Variants in MTUS2 observed in about 807,000 individuals in gnomAD.
The protein encoded by MTUS2 is microtubule associated scaffold protein 2, also known as microtubule-associated tumor suppressor candidate 2.
In MTUS2, 40 loss-of-function variants were observed where a neutral mutation model predicts 114.1. The ratio of observed to expected loss-of-function variants is 0.35; its 90% CI spans 0.27 to 0.46. MTUS2 has a LOEUF of 0.46. Among genes scored for constraint, MTUS2 ranks in the 20% least tolerant of loss-of-function variants. MTUS2 has a pLI of 1.00. For missense variants in MTUS2, 1,679 were observed against 1,705.4 expected, an observed-to-expected ratio of 0.98 and a Z score of 0.27; for synonymous variants, 688 against 672.0, an observed-to-expected ratio of 1.02 and a Z score of -0.37.
intron 4 of MTUS2, among the ~76,000 whole-genome samples, chr13:29,037,099 T>A (rs1351018723): frequency 6.6e-6 from 1 of 152,238 alleles, no homozygotes; most frequent in African/African-American, 2.4e-5. Context: ...AGTTTCTTAA[T>A]AGTGTTGATG....
intron 2 of MTUS2, among the ~76,000 whole-genome samples, chr13:28,891,858 CAAA>C (rs1169875500): frequency 1.1e-4 from 6 of 52,184 alleles, no homozygotes; most frequent in East Asian, 6.7e-4. Context: ...GACTCTGTCT[CAAA>C]AAAAAAAAAA....
chr13:28,999,307 G>C (rs1885273181), intron 2 of MTUS2, among the ~76,000 whole-genome samples: 1 of 152,118 alleles, frequency 6.6e-6, no homozygotes, highest in Non-Finnish European at 1.5e-5. Context: ...CCTACTGGGG[G>C]GTTCCTCCCA....
At chr13:29,375,128 A>G (rs78306067) in intron 8 of MTUS2, among the ~76,000 whole-genome samples, 6 of 152,132 alleles carry the variant, frequency 3.9e-5, no homozygotes, top group Non-Finnish European at 7.4e-5. Flanking sequence ...GGTTTTTGCC[A>G]TTACTTTTAA....
intron 5 of MTUS2, among the ~76,000 whole-genome samples, chr13:29,138,330 A>T (rs1484294524): frequency 6.6e-6 from 1 of 151,978 alleles, no homozygotes; most frequent in South Asian, 2.1e-4. Context: ...GATTCTGCCA[A>T]TGTAATTGTT....
At chr13:29,254,241 T>C (rs1390865799) in intron 5 of MTUS2, among the ~76,000 whole-genome samples, 1 of 152,228 alleles carries the variant, frequency 6.6e-6, no homozygotes. Context: ...CCACTGGGGC[T>C]TACATTCTGT....
intron 1 of MTUS2, among the ~76,000 whole-genome samples, chr13:28,830,015 C>G (rs369014050): frequency 7.9e-5 from 12 of 152,286 alleles, no homozygotes; most frequent in South Asian, 4.1e-4. Context: ...ACCCCACCCC[C>G]CAACACGCGT....
intron 9 of MTUS2, among the ~76,000 whole-genome samples, chr13:29,475,238 T>C (rs1163038655): frequency 6.6e-6 from 1 of 152,214 alleles, no homozygotes; most frequent in Non-Finnish European, 1.5e-5. Context: ...AATGCATTAC[T>C]CACATCTTTG....
intron 7 of MTUS2, among the ~76,000 whole-genome samples, chr13:29,355,397 T>A (rs977577165): frequency 6.6e-6 from 1 of 152,160 alleles, no homozygotes; most frequent in African/African-American, 2.4e-5. Context: ...AGATTATGAT[T>A]GGGGTAACAT....
At chr13:29,296,209 G>T (rs1034388243) in intron 6 of MTUS2, among the ~76,000 whole-genome samples, 108 of 151,722 alleles carry the variant, frequency 7.1e-4, no homozygotes, top group African/African-American at 2.5e-3. Flanking sequence ...TTGTTTGTTT[G>T]TTTGTTTGTT....
At chr13:29,161,235 G>A (rs1893083140) in intron 5 of MTUS2, among the ~76,000 whole-genome samples, 1 of 152,164 alleles carries the variant, frequency 6.6e-6, no homozygotes, top group Admixed American at 6.5e-5. Flanking sequence ...ATCAATGTCT[G>A]TATCCTGATT....
At chr13:28,957,046 A>G (rs529463915) in intron 2 of MTUS2, among the ~76,000 whole-genome samples, 107 of 152,324 alleles carry the variant, frequency 7.0e-4, no homozygotes, top group Non-Finnish European at 1.2e-3. Flanking sequence ...AGAAAGAGCA[A>G]TGCTTTCATA....
At chr13:29,056,712 A>G (rs1262872388) in intron 4 of MTUS2, among the ~76,000 whole-genome samples, 4 of 151,746 alleles carry the variant, frequency 2.6e-5, no homozygotes, top group Admixed American at 1.3e-4. Flanking sequence ...TTTTTAATTA[A>G]TCTAGCTAGT....
At chr13:28,942,009 A>T (rs1382819117) in intron 2 of MTUS2, among the ~76,000 whole-genome samples, 1 of 152,208 alleles carries the variant, frequency 6.6e-6, no homozygotes, top group Non-Finnish European at 1.5e-5. Flanking sequence ...ATTGGACTAC[A>T]TTAAAGTGAA....
At chr13:29,382,329 A>G (rs972347274) in intron 8 of MTUS2, among the ~76,000 whole-genome samples, 4 of 152,134 alleles carry the variant, frequency 2.6e-5, no homozygotes, top group African/African-American at 9.7e-5. Context: ...AGGCAGGGAG[A>G]CTGAAGAGCA....
intron 6 of MTUS2, among the ~76,000 whole-genome samples, chr13:29,284,362 C>A (rs1898391771): frequency 1.3e-5 from 2 of 148,238 alleles, no homozygotes; most frequent in Admixed American, 6.7e-5. Context: ...TATATATGAA[C>A]TTATATTAAG....
At chr13:29,397,869 A>G (rs751873360) in intron 8 of MTUS2, among the ~76,000 whole-genome samples, 3 of 152,236 alleles carry the variant, frequency 2.0e-5, no homozygotes, top group Non-Finnish European at 4.4e-5. Context: ...CTCTTTATAA[A>G]TTAAACCAGG....
At chr13:28,998,470 A>G (rs932564311) in intron 2 of MTUS2, among the ~76,000 whole-genome samples, 1 of 152,190 alleles carries the variant, frequency 6.6e-6, no homozygotes, top group African/African-American at 2.4e-5. Flanking sequence ...CTCCTGGATA[A>G]TGTCGTGCAG....
intron 2 of MTUS2, among the ~76,000 whole-genome samples, chr13:29,002,910 A>G (rs1480976769): frequency 6.6e-6 from 1 of 152,206 alleles, no homozygotes; most frequent in Admixed American, 6.5e-5. Context: ...ATGCTAGGTA[A>G]TAGAGCACCA....
intron 6 of MTUS2, among the ~76,000 whole-genome samples, chr13:29,319,610 GATCCAGCAGGCCTGTGTTGT>G (rs1354137889): frequency 2.6e-5 from 4 of 152,186 alleles, no homozygotes; most frequent in Non-Finnish European, 5.9e-5. Flanking sequence ...GCAGAGCTCT[GATCCAGCAGGCCTGTGTTGT>G]ACGCCCCCTC....
Sources: gnomAD v4.1 joint callset for allele counts (sites outside exome capture counted in the v4.1 genomes callset) on GRCh38, gnomAD v4.1.1 for gene constraint, MANE v1.5 for transcripts, NCBI Gene and HGNC (gene_info 2026-07-23, HGNC 2026-07-21) for gene names.